Variants in LINGO2 observed in about 807,000 individuals in gnomAD.
The protein encoded by LINGO2 is leucine rich repeat and Ig domain containing 2.
LINGO2 carries 14 observed loss-of-function variants against 30.6 expected under a neutral mutation model. The observed-to-expected ratio is 0.46, with a 90% CI of 0.30 to 0.72. The LOEUF (loss-of-function observed/expected upper bound fraction) is 0.72. Among genes scored for constraint, LINGO2 ranks in the 30% least tolerant of loss-of-function variants. The pLI, the probability that LINGO2 is intolerant of heterozygous loss-of-function variation, is 0.07. For synonymous variants in LINGO2, 317 were observed against 288.5 expected, an observed-to-expected ratio of 1.10 and a Z score of -1.00; for missense variants, 729 against 751.7, an observed-to-expected ratio of 0.97 and a Z score of 0.35.
chr9:28,462,873 A>T (rs1028250254), intron 2 of LINGO2, among the ~76,000 whole-genome samples: 6 of 152,110 alleles, frequency 3.9e-5, no homozygotes, highest in Non-Finnish European at 8.8e-5. Context: ...ATTGAAAAAA[A>T]TTACCCATCA....
At chr9:28,380,567 T>C (rs1427132376) in intron 2 of LINGO2, among the ~76,000 whole-genome samples, 1 of 151,862 alleles carries the variant, frequency 6.6e-6, no homozygotes, top group Admixed American at 6.6e-5. Context: ...AATAAACATG[T>C]AGGGTAGGAG....
chr9:28,453,128 G>A (rs1824713798), intron 2 of LINGO2, among the ~76,000 whole-genome samples: 2 of 151,860 alleles, frequency 1.3e-5, no homozygotes, highest in Non-Finnish European at 2.9e-5. Flanking sequence ...CGAAATGGTT[G>A]TTAACATTTT....
the LINGO2 span, among the ~76,000 whole-genome samples, chr9:29,186,702 T>C: frequency 1.3e-5 from 2 of 152,018 alleles, no homozygotes; most frequent in Non-Finnish European, 2.9e-5. Context: ...TAACATTATA[T>C]ACTAAGGCAT....
the LINGO2 span, among the ~76,000 whole-genome samples, chr9:29,193,592 C>T: frequency 2.0e-5 from 3 of 152,192 alleles, no homozygotes; most frequent in Admixed American, 2.0e-4. Flanking sequence ...AGAGCTGCTT[C>T]TACTCCCCTA....
the LINGO2 span, among the ~76,000 whole-genome samples, chr9:28,897,818 A>G: frequency 6.6e-6 from 1 of 152,136 alleles, no homozygotes; most frequent in East Asian, 1.9e-4. Context: ...GAAATTTTCT[A>G]TACTTTCTCC....
chr9:28,712,049 C>G, the LINGO2 span, among the ~76,000 whole-genome samples: 1,035 of 151,814 alleles, frequency 6.8e-3, 16 homozygotes, highest in African/African-American at 0.024. Context: ...GCAAGTCCAG[C>G]AATTATATAA....
intron 4 of LINGO2, among the ~76,000 whole-genome samples, chr9:28,247,444 T>C (rs1293892588): frequency 6.6e-6 from 1 of 152,196 alleles, no homozygotes; most frequent in Non-Finnish European, 1.5e-5. Context: ...ATCATGTGTT[T>C]TGCAGAGACA....
At chr9:28,146,108 A>T (rs1046196334) in intron 4 of LINGO2, among the ~76,000 whole-genome samples, 1 of 152,230 alleles carries the variant, frequency 6.6e-6, no homozygotes, top group Admixed American at 6.5e-5. Flanking sequence ...GCCTTGTGTG[A>T]TGTCATTCAC....
intron 1 of LINGO2, among the ~76,000 whole-genome samples, chr9:28,529,606 CT>C (rs201066699): frequency 0.02 from 2,468 of 125,250 alleles, 35 homozygotes; most frequent in East Asian, 0.097. Context: ...ATTGCAAATA[CT>C]TTTTTTTTTT....
intron 1 of LINGO2, among the ~76,000 whole-genome samples, chr9:28,619,020 T>G (rs1826270595): frequency 6.6e-6 from 1 of 152,194 alleles, no homozygotes. Context: ...TTGCCACTTG[T>G]GTTTTTGTTA....
chr9:28,885,217 G>A, the LINGO2 span, among the ~76,000 whole-genome samples: 160 of 147,276 alleles, frequency 1.1e-3, no homozygotes, highest in Non-Finnish European at 1.8e-3. Context: ...TAATTGCAAC[G>A]GTGCCCCTTG....
At chr9:28,921,526 G>C in the LINGO2 span, among the ~76,000 whole-genome samples, 3 of 152,156 alleles carry the variant, frequency 2.0e-5, no homozygotes. Context: ...ATTTAGAATT[G>C]TGATGTGGGG....
intron 2 of LINGO2, among the ~76,000 whole-genome samples, chr9:28,458,284 T>C (rs1041732803): frequency 6.6e-6 from 1 of 152,226 alleles, no homozygotes; most frequent in Admixed American, 6.5e-5. Context: ...CTGGATTATA[T>C]GTTTCTTAAA....
At chr9:28,044,156 G>GT (rs1215488395) in intron 4 of LINGO2, among the ~76,000 whole-genome samples, 1 of 152,174 alleles carries the variant, frequency 6.6e-6, no homozygotes, top group Non-Finnish European at 1.5e-5. Flanking sequence ...GCATGATGCA[G>GT]TTGAAAGAAT....
At chr9:28,207,640 A>T (rs12683948) in intron 4 of LINGO2, among the ~76,000 whole-genome samples, 20,342 of 151,988 alleles carry the variant, frequency 0.13, 1,473 homozygotes, top group East Asian at 0.22. Flanking sequence ...TCACCCTGAT[A>T]CATAACAAGC....
Position 28,329,657 on chromosome 9 carries a change from C to T in LINGO2, c.-245-34291G>A, listed in dbSNP as rs1825351571. ...CCTGGAATAGTTTCCTTCCCACTCT[C>T]CCCTTCTTTCACTCATTTACCACTG... On this transcript the variant is annotated intron_variant, in intron 3 of 5. Transcript: ENST00000379992. This position sits in a 1 kb window ranked among gnomAD's most constrained non-coding sequence, Gnocchi z 4.5. Among the ~76,000 whole-genome samples the T allele has an allele frequency of 6.6e-6, 1 of 152,074 alleles. No homozygotes were observed. Among genetic ancestry groups the T allele is most frequent in the Admixed American group, 6.6e-5 (1 of 15,252 alleles).
intron 3 of LINGO2, among the ~76,000 whole-genome samples, chr9:28,299,019 G>T (rs984715965): frequency 6.6e-6 from 1 of 152,050 alleles, no homozygotes; most frequent in African/African-American, 2.4e-5. Context: ...ATACCTTATT[G>T]CTTTGAAGAA....
At chr9:28,440,420 A>G (rs185005234) in intron 2 of LINGO2, among the ~76,000 whole-genome samples, 108 of 152,310 alleles carry the variant, frequency 7.1e-4, no homozygotes, top group African/African-American at 2.6e-3. Flanking sequence ...TTAGCTCTTC[A>G]GAAGAATTTG....
At chr9:28,207,659 G>T (rs1272531910) in intron 4 of LINGO2, among the ~76,000 whole-genome samples, 2 of 152,048 alleles carry the variant, frequency 1.3e-5, no homozygotes, top group East Asian at 3.9e-4. Flanking sequence ...GCTAAAAAAA[G>T]GTACCTACGT....
Sources: allele counts gnomAD v4.1 joint callset (sites outside exome capture counted in the v4.1 genomes callset), GRCh38; gene constraint gnomAD v4.1.1; non-coding constraint Gnocchi (gnomAD v3.1); transcripts MANE v1.5; gene names NCBI Gene and HGNC (gene_info 2026-07-23, HGNC 2026-07-21).